PWWP2A: variants seen among roughly 807,000 people sequenced by gnomAD.
PWWP2A encodes PWWP domain containing 2A.
A neutral mutation model predicts 48.5 loss-of-function variants in PWWP2A; 18 were observed. The ratio of observed to expected loss-of-function variants is 0.37; its 90% CI spans 0.26 to 0.55. The LOEUF is 0.55. PWWP2A is among the 20% of genes least tolerant of loss of function. PWWP2A has a pLI of 0.81. For synonymous variants in PWWP2A, 396 were observed against 387.7 expected, an observed-to-expected ratio of 1.02 and a Z score of -0.25; for missense variants, 867 against 976.4, an observed-to-expected ratio of 0.89 and a Z score of 1.49.
intron 1 of PWWP2A, 24 bp downstream of exon 1, chr5:160,118,781 G>T (rs763391784): frequency 7.2e-7 from 1 of 1,396,990 alleles, no homozygotes; most frequent in Non-Finnish European, 9.3e-7. Flanking sequence ...GCGGACCGGA[G>T]GGTGCTGGGG....
intron 2 of PWWP2A, chr5:160,080,786 C>T: frequency 1.3e-6 from 2 of 1,501,144 alleles, no homozygotes. Context: ...GTAGAAAAAA[C>T]CAAGTTAACA....
downstream of PWWP2A, among the ~76,000 whole-genome samples, chr5:160,074,398 A>G (rs1279753054): frequency 6.6e-6 from 1 of 152,046 alleles, no homozygotes; most frequent in African/African-American, 2.4e-5. Context: ...AGATCGCACC[A>G]CTGCACTCCA....
chr5:160,068,349 C>T (rs758670658), intron 2 of PWWP2A, among the ~76,000 whole-genome samples: 13 of 152,164 alleles, frequency 8.5e-5, no homozygotes, highest in Non-Finnish European at 1.9e-4. Context: ...CAAGTAATCC[C>T]AGCACTCTAG....
downstream of PWWP2A, among the ~76,000 whole-genome samples, chr5:160,075,593 A>G (rs1374130929): frequency 6.6e-6 from 1 of 152,116 alleles, no homozygotes; most frequent in African/African-American, 2.4e-5. Flanking sequence ...ATTTAATTAC[A>G]TCCAATTCTG....
At chr5:160,044,845 C>T in the PWWP2A span, among the ~76,000 whole-genome samples, 1 of 152,198 alleles carries the variant, frequency 6.6e-6, no homozygotes, top group African/African-American at 2.4e-5. Context: ...GATGGAGCCA[C>T]TTTGATTCAG....
At chr5:160,052,487 AAAG>A in the PWWP2A span, among the ~76,000 whole-genome samples, 1 of 148,994 alleles carries the variant, frequency 6.7e-6, no homozygotes, top group Non-Finnish European at 1.5e-5. Flanking sequence ...ACCCTGTCTC[AAAG>A]AAGAGGGAAA....
intron 2 of PWWP2A, among the ~76,000 whole-genome samples, chr5:160,084,614 A>G (rs1302046673): frequency 6.6e-6 from 1 of 151,666 alleles, no homozygotes; most frequent in East Asian, 1.9e-4. Flanking sequence ...TATTTTTTGT[A>G]GAGACAGAGT....
chr5:160,066,157 T>A (rs1387090274), intron 4 of PWWP2A, among the ~76,000 whole-genome samples: 1 of 152,154 alleles, frequency 6.6e-6, no homozygotes, highest in East Asian at 1.9e-4. Flanking sequence ...AACTGTTAAA[T>A]CTGGCATCCA....
intron 1 of PWWP2A, chr5:160,113,463 C>T (rs1757797707): frequency 2.8e-6 from 1 of 355,162 alleles, no homozygotes; most frequent in African/African-American, 2.2e-5. Context: ...ACAGCTCTTC[C>T]AATTTTACAA....
chr5:160,102,391 C>A (rs1412672992), intron 1 of PWWP2A, among the ~76,000 whole-genome samples: 3 of 114,696 alleles, frequency 2.6e-5, no homozygotes, highest in Non-Finnish European at 5.2e-5. Context: ...AGGCGAGACT[C>A]CATCTCAAAA....
In PWWP2A at chr5:160,091,970, ATGTG is replaced by A; in HGVS notation, c.*408_*411del. 2 of 859,806 alleles carry A rather than the reference ATGTG, an allele frequency of 2.3e-6. No homozygotes were observed. The highest frequency in any genetic ancestry group is 2.8e-6 in the Non-Finnish European group (2 of 719,058). The allele number at this position is 859,806 out of a possible 1,614,324, so 53.3% of individuals were successfully genotyped here. ...GACAGGCTGTATTTCATATATATAT[ATGTG>A]TATATATACATATATATGTGTGTAT... On this transcript the variant is annotated 3_prime_UTR_variant, in exon 2 of 2. Transcript: ENST00000307063.
At chr5:160,113,386 ACT>A (rs1178737766) in intron 1 of PWWP2A, 2 of 950,830 alleles carry the variant, frequency 2.1e-6, no homozygotes, top group South Asian at 4.9e-5. Flanking sequence ...ACAAAAGCAG[ACT>A]CTTAGTCATC....
At chr5:160,110,856 A>C (rs186843678) in intron 1 of PWWP2A, among the ~76,000 whole-genome samples, 278 of 151,282 alleles carry the variant, frequency 1.8e-3, no homozygotes, top group African/African-American at 6.4e-3. Context: ...ACATGATGAA[A>C]TCCGTCTCTA....
chr5:160,052,568 AAAAAAACT>A, the PWWP2A span, among the ~76,000 whole-genome samples: 1 of 151,554 alleles, frequency 6.6e-6, no homozygotes, highest in African/African-American at 2.4e-5. Context: ...AAAAAAAAAA[AAAAAAACT>A]GTTTGCATTT....
At position 160,092,773 on chromosome 5, in the gene PWWP2A, T is replaced by C. The variant is rs748528277; in HGVS notation, c.1877A>G (p.Glu626Gly). ...TTTCAAGGAATTACTGAGCTTTTTC[T>C]CTTCCTTTGAAGAGGAGGAAGTGGA... ...TSSTSSSSKE[E>G]KKLSNSLKMK... Residue 626 changes from glutamate (E) to glycine (G), a missense_variant, in exon 2 of 2, where the codon GAG (glutamate) becomes GGG (glycine). Glu to Gly is a moderately conservative substitution (Grantham distance 98). Around this residue, in one of 4 missense-constraint regions of PWWP2A, gnomAD observed 382 missense variants for 407.2 expected, o/e 0.94. Transcript: ENST00000307063. 7 of 1,551,584 alleles carry C rather than the reference T, an allele frequency of 4.5e-6. No individual in the cohort carries two copies. The highest frequency in any genetic ancestry group is 4.1e-5 in the African/African-American group (3 of 73,048).
At chr5:160,063,622 T>C (rs531647745) in exon 5 of PWWP2A, 28 of 152,278 alleles carry the variant, frequency 1.8e-4, no homozygotes, top group African/African-American at 5.5e-4. Context: ...CTCTGGTGAT[T>C]AGGGATTTCT....
intron 1 of PWWP2A, chr5:160,113,114 C>G: frequency 2.0e-6 from 1 of 490,202 alleles, no homozygotes; most frequent in Non-Finnish European, 2.6e-6. Context: ...GCCGAAGTCC[C>G]GCCACTGCAC....
chr5:160,064,275 C>T (rs963685381), intron 4 of PWWP2A, among the ~76,000 whole-genome samples: 1 of 152,134 alleles, frequency 6.6e-6, no homozygotes, highest in Non-Finnish European at 1.5e-5. Flanking sequence ...ATCCTATATA[C>T]CTCACCCAAG....
intron 1 of PWWP2A, among the ~76,000 whole-genome samples, chr5:160,107,289 T>C (rs1756998007): frequency 6.6e-6 from 1 of 152,206 alleles, no homozygotes; most frequent in Non-Finnish European, 1.5e-5. Context: ...AGCTCAGAAA[T>C]CTATGCACAT....
Sources: gnomAD v4.1 joint callset for allele counts (sites outside exome capture counted in the v4.1 genomes callset) on GRCh38, gnomAD v4.1.1 for gene constraint, gnomAD v4.1.1 regional missense constraint, MANE v1.5 for transcripts, NCBI Gene and HGNC (gene_info 2026-07-23, HGNC 2026-07-21) for gene names.